KIF24: variants seen among roughly 807,000 people sequenced by gnomAD.
KIF24 encodes the protein kinesin family member 24.
A neutral mutation model predicts 118.9 loss-of-function variants in KIF24; 81 were observed. That is an observed-to-expected ratio of 0.68 (90% confidence interval 0.57 to 0.82). KIF24 has a LOEUF of 0.82. Among genes scored for constraint, KIF24 ranks in the 40% least tolerant of loss-of-function variants. KIF24 has a pLI of 0.00. For synonymous variants in KIF24, 599 were observed against 610.0 expected (o/e 0.98, Z 0.27); for missense variants, 1,560 against 1,661.6 (o/e 0.94, Z 1.06).
rs761113845 is a variant in KIF24 at position 34,256,380 on chromosome 9, G to A, written c.3227C>T (p.Ala1076Val). The A allele has an allele frequency of 3.1e-6, 5 of 1,613,894 alleles. No individual in the cohort carries two copies. The highest frequency in any genetic ancestry group is 4.2e-6 in the Non-Finnish European group (5 of 1,179,898). The change falls in exon 11 of 13, where the codon GCT becomes GTT. Residue 1076 changes from alanine (A) to valine (V), a missense_variant. This residue lies in a region of KIF24 where 591 missense variants were observed against 655.6 expected (regional missense o/e 0.90). Coordinates refer to ENST00000402558, the MANE Select transcript of KIF24 (RefSeq NM_194313.4). Reference sequence around the variant, plus strand: ...GCTCTCTGCCACTAGACTGTGCGTAGCCCCATCCTGGACCAGCTGCTCCGA... The same window carrying A: ...GCTCTCTGCCACTAGACTGTGCGTAACCCCATCCTGGACCAGCTGCTCCGA... ...PPSEQLVQDG[A>V]THSLVAESTG...
At chr9:34,267,398 T>A (rs1214111116) in intron 8 of KIF24, among the ~76,000 whole-genome samples, 1 of 152,254 alleles carries the variant, frequency 6.6e-6, no homozygotes, top group East Asian at 1.9e-4. Flanking sequence ...ACATTCTCTA[T>A]CTCCTAATGT....
chr9:34,256,727 G>C lies in KIF24; in HGVS notation c.2880C>G (p.Leu960=). The stretch of plus-strand genomic sequence containing the variant: ...CCTCACTTTGGGAGGCATCCTTTCT[G>C]AGATCAAAGGAAGAGCCTCCACCTC... ...QERGGGSSFD[L]RKDASQSEVS... is the part of the protein sequence containing the mutation. Residue 960 remains leucine (L), a synonymous_variant, in exon 11 of 13, where the codon CTC becomes CTG. Transcript: ENST00000402558. 1.2e-6 allele frequency: 2 copies of C among 1,613,982 alleles called. No individual in the cohort carries two copies. Among genetic ancestry groups the C allele is most frequent in the South Asian group, 2.2e-5 (2 of 91,082 alleles).
chr9:34,276,723 A>T (rs1160922393), intron 6 of KIF24, among the ~76,000 whole-genome samples: 2 of 152,244 alleles, frequency 1.3e-5, no homozygotes, highest in Non-Finnish European at 2.9e-5. Context: ...TTTGCTAAAA[A>T]TTTAAAGAGA....
intron 3 of KIF24, among the ~76,000 whole-genome samples, chr9:34,302,996 G>T (rs753103916): frequency 6.6e-6 from 1 of 150,564 alleles, no homozygotes; most frequent in Non-Finnish European, 1.5e-5. Flanking sequence ...GGATGGTCTC[G>T]ATCTCCTGAC....
chr9:34,280,091 C>T (rs1023841145), intron 6 of KIF24, among the ~76,000 whole-genome samples: 75 of 151,126 alleles, frequency 5.0e-4, no homozygotes, highest in South Asian at 1.5e-3. Flanking sequence ...GAGACCATCC[C>T]GGCTAAAACG....
At position 34,257,370 on chromosome 9, in the gene KIF24, G is replaced by A; in HGVS notation, c.2237C>T (p.Ala746Val). 2 of 1,614,066 alleles carry A rather than the reference G, an allele frequency of 1.2e-6. No individual in the cohort carries two copies. The highest frequency in any genetic ancestry group is 1.7e-6 in the Non-Finnish European group (2 of 1,179,902). The change falls in exon 11 of 13, where the codon GCC becomes GTC. Residue 746 changes from alanine (A) to valine (V), a missense_variant. Transcript: ENST00000402558. ...CGGGATGTTTGTCCAAGCTTCAGAG[G>A]CAGGCCTAGCAGGCGTGCCCCTCTG... ...DSQRGTPARP[A>V]SEAWTNIPPH...
At chr9:34,308,913 T>C (rs1013667554) in intron 2 of KIF24, among the ~76,000 whole-genome samples, 3 of 151,902 alleles carry the variant, frequency 2.0e-5, no homozygotes, top group Non-Finnish European at 2.9e-5. Context: ...GATCCCCAAC[T>C]CTACAAAAAA....
intron 6 of KIF24, 64 bp from the exon 7 acceptor site, chr9:34,271,994 G>A: frequency 6.7e-7 from 1 of 1,488,374 alleles, no homozygotes; most frequent in Non-Finnish European, 9.0e-7. Flanking sequence ...GCTACTAAGA[G>A]TTGGCTAAGA....
chr9:34,254,973 C>G (rs1285447854), intron 12 of KIF24, 99 bp downstream of exon 12: 1 of 796,084 alleles, frequency 1.3e-6, no homozygotes, highest in Non-Finnish European at 2.1e-6. Context: ...TGCCAGGAGA[C>G]CCTTTCCCCA....
At chr9:34,281,739 T>C (rs1835857338) in intron 6 of KIF24, among the ~76,000 whole-genome samples, 2 of 152,174 alleles carry the variant, frequency 1.3e-5, no homozygotes, top group Admixed American at 1.3e-4. Flanking sequence ...TCTCTTAAGC[T>C]TGGTTGAAGA....
intron 6 of KIF24, 53 bp from the exon 7 acceptor site, chr9:34,271,983 G>C: frequency 6.6e-7 from 1 of 1,522,756 alleles, no homozygotes; most frequent in Middle Eastern, 1.9e-4. Context: ...AAAAGCCTCT[G>C]GCTACTAAGA....
chr9:34,310,730 C>G lies in KIF24; in HGVS notation c.617G>C (p.Cys206Ser), dbSNP rs1331775807. 2 of 1,580,998 alleles carry G rather than the reference C, an allele frequency of 1.3e-6. No homozygotes were observed. Among genetic ancestry groups the G allele is most frequent in the Non-Finnish European group, 1.7e-6 (2 of 1,165,740 alleles). The part of the protein sequence containing the change: ...SGYNYGIPHS[C>S]IRQNTSEKQN... The stretch of plus-strand genomic sequence containing the variant: ...GAAAGATAAAATTTATTACCTGATA[C>G]AAGAATGAGGGATTCCATAGTTATA... Residue 206 changes from cysteine to serine, a missense_variant, in exon 2 of 13, where the codon TGT becomes TCT. Coordinates refer to ENST00000402558, the MANE Select transcript of KIF24 (RefSeq NM_194313.4).
At chr9:34,296,036 A>C (rs202064509) in intron 4 of KIF24, among the ~76,000 whole-genome samples, 1 of 131,954 alleles carries the variant, frequency 7.6e-6, no homozygotes, top group Non-Finnish European at 1.6e-5. Flanking sequence ...TGACTAACAC[A>C]GTGAAACCCC....
intron 10 of KIF24, 39 bp from the exon 11 acceptor site, chr9:34,258,020 A>T: frequency 1.4e-6 from 2 of 1,404,220 alleles, no homozygotes; most frequent in Non-Finnish European, 1.9e-6. Flanking sequence ...GTATTTTCAC[A>T]TGTTCTGCAA....
At chr9:34,325,266 G>A (rs745550301) in intron 1 of KIF24, among the ~76,000 whole-genome samples, 1 of 150,874 alleles carries the variant, frequency 6.6e-6, no homozygotes, top group South Asian at 2.1e-4. Context: ...GATCACTTGA[G>A]CCCAGGAGGT....
intron 3 of KIF24, among the ~76,000 whole-genome samples, chr9:34,302,503 T>C (rs1836757979): frequency 1.3e-5 from 2 of 151,182 alleles, no homozygotes; most frequent in Non-Finnish European, 2.9e-5. Flanking sequence ...TCTCACTCTG[T>C]TGCCCAGGCT....
Position 34,290,207 on chromosome 9 carries a change from C to T in KIF24, c.1094G>A (p.Gly365Glu), listed in dbSNP as rs1836199854. 1 of 1,613,688 alleles carries T rather than the reference C, an allele frequency of 6.2e-7. No homozygotes were observed. Among genetic ancestry groups the T allele is most frequent in the Non-Finnish European group, 8.5e-7 (1 of 1,179,756 alleles). The part of the protein sequence containing the change: ...VWISFYEIYC[G>E]QLYDLLNRRK... ...TCTATTTAGGAGGTCATAAAGCTGT[C>T]CACAGTAAATTTCATAGAAGCTGAT... Residue 365 changes from glycine to glutamate, a missense_variant, in exon 5 of 13, where the codon GGA becomes GAA. Transcript: ENST00000402558.
upstream of KIF24, among the ~76,000 whole-genome samples, chr9:34,331,668 GA>G (rs1476217554): frequency 2.0e-5 from 3 of 151,992 alleles, no homozygotes; most frequent in African/African-American, 7.2e-5. Flanking sequence ...GAAGGGAGGA[GA>G]AAAAAATTGT....
intron 1 of KIF24, among the ~76,000 whole-genome samples, chr9:34,326,010 A>G (rs1837660905): frequency 6.6e-6 from 1 of 152,182 alleles, no homozygotes; most frequent in Admixed American, 6.5e-5. Flanking sequence ...ATTTTTTGAG[A>G]GACTTGTATG....
Sources: gnomAD v4.1 joint callset for allele counts (sites outside exome capture counted in the v4.1 genomes callset) on GRCh38, gnomAD v4.1.1 for gene constraint, gnomAD v4.1.1 regional missense constraint, MANE v1.5 for transcripts, NCBI Gene and HGNC (gene_info 2026-07-23, HGNC 2026-07-21) for gene names.